Variants in ADGRV1 observed in about 807,000 individuals in gnomAD.
The protein encoded by ADGRV1 is adhesion G protein-coupled receptor V1, also known as G-protein coupled receptor 98.
ADGRV1 carries 359 observed loss-of-function variants against 596.2 expected under a neutral mutation model. The observed-to-expected ratio is 0.60, with a 90% CI of 0.55 to 0.66. ADGRV1 has a LOEUF of 0.66. Among genes scored for constraint, ADGRV1 ranks in the 30% least tolerant of loss-of-function variants. ADGRV1 has a pLI of 0.00. For missense variants in ADGRV1, 7,274 were observed against 7,575.6 expected (o/e 0.96, Z 1.48); for synonymous variants, 2,681 against 2,679.2 (o/e 1.00, Z -0.02).
chr5:90,716,797 A>T lies in ADGRV1; in HGVS notation c.9447+68A>T, dbSNP rs10067181. The T allele has an allele frequency of 0.64, 804,802 of 1,250,868 alleles. 260,063 individuals are homozygous for T. Among genetic ancestry groups the T allele is most frequent in the East Asian group, 0.81 (34,873 of 42,976 alleles). The allele number at this position is 1,250,868 out of a possible 1,614,324, so 77.5% of individuals were successfully genotyped here. ...TATTTACAAAATAAATTTCTCTTAG[A>T]TGAGCACTCAAGTCCTAGAATGAAA... On this transcript the variant is annotated intron_variant, in intron 43 of 89. Coordinates refer to ENST00000405460, the MANE Select transcript of ADGRV1 (RefSeq NM_032119.4).
intron 50 of ADGRV1, among the ~76,000 whole-genome samples, chr5:90,734,071 T>A (rs1752900961): frequency 1.3e-5 from 2 of 152,238 alleles, no homozygotes; most frequent in Admixed American, 1.3e-4. Flanking sequence ...TCCAGATCCA[T>A]CCATATTGTC....
intron 70 of ADGRV1, among the ~76,000 whole-genome samples, chr5:90,796,768 G>A (rs934868845): frequency 3.3e-4 from 51 of 152,262 alleles, no homozygotes; most frequent in African/African-American, 9.1e-4. Flanking sequence ...ACAAACAGCC[G>A]ATCTCTCAGC....
rs771668754 is a variant in ADGRV1 at position 90,788,220 on chromosome 5, A to G, written c.13803A>G (p.Glu4601=). 1 of 1,613,726 alleles carries G rather than the reference A, an allele frequency of 6.2e-7. No homozygotes were observed. Among genetic ancestry groups the G allele is most frequent in the East Asian group, 2.2e-5 (1 of 44,860 alleles). Residue 4601 remains glutamate (E), a synonymous_variant, in exon 68 of 90, where the codon GAA becomes GAG. Transcript: ENST00000405460. The part of the protein sequence containing the change: ...TIILTIYPHE[E]IEVEETFIIK... ...TTCTGACAATCTATCCTCATGAAGA[A>G]ATTGAAGTTGAAGAGACATTCATTA...
intron 77 of ADGRV1, among the ~76,000 whole-genome samples, chr5:90,832,446 A>G (rs1418286823): frequency 6.6e-6 from 1 of 151,972 alleles, no homozygotes; most frequent in African/African-American, 2.4e-5. Flanking sequence ...TTAAAATTGG[A>G]TTATTACATT....
chr5:91,028,733 T>TTTTG (rs1491160012), intron 85 of ADGRV1, among the ~76,000 whole-genome samples: 35 of 25,476 alleles, frequency 1.4e-3, no homozygotes, highest in African/African-American at 4.7e-3. Flanking sequence ...CTAGACTCTG[T>TTTTG]TTTTTTTTTT....
rs1211142616 is a variant in ADGRV1, at chr5:90,635,160, T to G, written c.1886T>G (p.Ile629Arg). 6.2e-7 allele frequency: 1 copy of G among 1,610,076 alleles called. No individual in the cohort carries two copies. Residue 629 changes from isoleucine (I) to arginine (R), a missense_variant, in exon 10 of 90, where the codon ATA becomes AGA. Transcript: ENST00000405460. Reference sequence around the variant, plus strand: ...AACATAATTCCTCTAATCCCACCCATAAGCCCTAGATTTGGGGAAATCTGC... The same window carrying G: ...AACATAATTCCTCTAATCCCACCCAGAAGCCCTAGATTTGGGGAAATCTGC... ...LLNIIPLIPP[I>R]SPRFGEICNI...
chr5:90,612,862 G>A (rs974990420), intron 1 of ADGRV1, among the ~76,000 whole-genome samples: 1 of 151,984 alleles, frequency 6.6e-6, no homozygotes, highest in African/African-American at 2.4e-5. Context: ...CTTCTAACAC[G>A]ATTCCTCACA....
At chr5:90,759,384 C>T in intron 57 of ADGRV1, 25 bp from the exon 58 acceptor site, 1 of 1,472,364 alleles carries the variant, frequency 6.8e-7, no homozygotes, top group Non-Finnish European at 9.3e-7. Context: ...CCCTCTCTTT[C>T]TCCCTTCCTT....
intron 85 of ADGRV1, among the ~76,000 whole-genome samples, chr5:91,012,140 C>G (rs1782771678): frequency 6.6e-6 from 1 of 151,950 alleles, no homozygotes; most frequent in African/African-American, 2.4e-5. Flanking sequence ...AGTTGTTCTA[C>G]CTTCCTCTAT....
chr5:90,648,860 C>T (rs552463763), intron 17 of ADGRV1, among the ~76,000 whole-genome samples: 3 of 152,050 alleles, frequency 2.0e-5, no homozygotes, highest in Non-Finnish European at 4.4e-5. Flanking sequence ...TCAGATCTTA[C>T]GTAGACTAAA....
chr5:90,708,547 A>G (rs1177081576), intron 38 of ADGRV1, among the ~76,000 whole-genome samples: 1 of 151,636 alleles, frequency 6.6e-6, no homozygotes, highest in Non-Finnish European at 1.5e-5. Flanking sequence ...ATATATTTAT[A>G]TAATTGGTTT....
intron 21 of ADGRV1, among the ~76,000 whole-genome samples, chr5:90,670,396 C>T (rs1389373226): frequency 6.6e-6 from 1 of 152,200 alleles, no homozygotes; most frequent in Non-Finnish European, 1.5e-5. Flanking sequence ...AAGTATGAAG[C>T]TACTGCTTCA....
intron 11 of ADGRV1, among the ~76,000 whole-genome samples, chr5:90,639,967 TATTTC>T (rs1434015540): frequency 9.2e-5 from 14 of 152,214 alleles, no homozygotes; most frequent in Admixed American, 3.3e-4. Context: ...AAATTCTCTA[TATTTC>T]AACTCAATAT....
At chr5:90,720,023 C>A (rs1361518454) in intron 43 of ADGRV1, 25 bp from the exon 44 acceptor site, 10 of 1,593,522 alleles carry the variant, frequency 6.3e-6, no homozygotes, top group East Asian at 2.2e-5. Flanking sequence ...ATTCTAGTAA[C>A]CTTATCTTTT....
chr5:91,044,494 A>G (rs189376861), intron 85 of ADGRV1, among the ~76,000 whole-genome samples: 1 of 152,206 alleles, frequency 6.6e-6, no homozygotes, highest in African/African-American at 2.4e-5. Flanking sequence ...GAACTTTCTC[A>G]TTTTCAATTT....
intron 83 of ADGRV1, among the ~76,000 whole-genome samples, chr5:90,909,389 T>C (rs571125717): frequency 6.6e-6 from 1 of 152,248 alleles, no homozygotes; most frequent in African/African-American, 2.4e-5. Flanking sequence ...TCTGCCCTCC[T>C]GTGACCTATA....
At chr5:91,118,562 G>A (rs750245670) in intron 87 of ADGRV1, among the ~76,000 whole-genome samples, 10 of 152,064 alleles carry the variant, frequency 6.6e-5, no homozygotes, top group African/African-American at 2.4e-4. Flanking sequence ...CTCTGAGAAT[G>A]AGCTCAGAGC....
rs1249059641 is a variant in ADGRV1 at position 90,635,273 on chromosome 5, G to A, written c.1999G>A (p.Asp667Asn). The A allele has an allele frequency of 5.6e-6, 9 of 1,611,398 alleles. No homozygotes were observed. In the East Asian group the frequency reaches 2.0e-4, roughly 36 times the overall value. ...NLPIILHEPEDFAAEVVYIPL... is the reference protein window; with the variant it reads ...NLPIILHEPENFAAEVVYIPL... ...TCCAATTATTTTGCATGAACCAGAA[G>A]ATTTTGCTGCTGAAGTGGTAAGTAG... The change falls in exon 10 of 90, where the codon GAT becomes AAT. Residue 667 changes from aspartate (D) to asparagine (N), a missense_variant. Coordinates refer to ENST00000405460, the MANE Select transcript of ADGRV1 (RefSeq NM_032119.4).
intron 84 of ADGRV1, among the ~76,000 whole-genome samples, chr5:90,983,758 G>A (rs894853130): frequency 6.6e-5 from 10 of 152,250 alleles, no homozygotes; most frequent in Admixed American, 6.5e-4. Context: ...ACAGATATAA[G>A]CAGATGTACA....
Sources: allele counts gnomAD v4.1 joint callset (sites outside exome capture counted in the v4.1 genomes callset), GRCh38; gene constraint gnomAD v4.1.1; transcripts MANE v1.5; gene names NCBI Gene and HGNC (gene_info 2026-07-23, HGNC 2026-07-21).